Variants in RIN3 observed in about 807,000 individuals in gnomAD.
The protein encoded by RIN3 is RAB5 interacting protein 3.
In RIN3, 54 loss-of-function variants were observed where a neutral mutation model predicts 76.3. The ratio of observed to expected loss-of-function variants is 0.71; its 90% CI spans 0.57 to 0.89. RIN3 has a LOEUF of 0.89. Ranked by LOEUF, RIN3 falls within the 40% of genes least tolerant of loss-of-function variation. The pLI, the probability that RIN3 is intolerant of heterozygous loss-of-function variation, is 0.00. For missense variants in RIN3, 1,256 were observed against 1,322.1 expected (o/e 0.95, Z 0.78); for synonymous variants, 576 against 564.0 (o/e 1.02, Z -0.30).
intron 8 of RIN3, among the ~76,000 whole-genome samples, chr14:92,678,629 A>G (rs1267760351): frequency 2.0e-5 from 3 of 150,454 alleles, no homozygotes; most frequent in Non-Finnish European, 4.4e-5. Context: ...CCACCTACGC[A>G]ATCACACACC....
intron 7 of RIN3, among the ~76,000 whole-genome samples, chr14:92,667,512 G>A (rs557402135): frequency 2.7e-5 from 4 of 149,122 alleles, no homozygotes; most frequent in South Asian, 2.1e-4. Context: ...GCAAGACTCC[G>A]TCTCAAAAAA....
intron 3 of RIN3, among the ~76,000 whole-genome samples, chr14:92,593,903 A>G (rs1885069056): frequency 6.6e-6 from 1 of 152,218 alleles, no homozygotes; most frequent in East Asian, 1.9e-4. Flanking sequence ...TTAATCTACT[A>G]TCATAGTTGG....
At chr14:92,535,988 CTG>C (rs1221962980) in intron 1 of RIN3, among the ~76,000 whole-genome samples, 3 of 152,164 alleles carry the variant, frequency 2.0e-5, no homozygotes, top group Non-Finnish European at 4.4e-5. Flanking sequence ...ATTGACAAGA[CTG>C]TCCTTTCCTC....
intron 8 of RIN3, among the ~76,000 whole-genome samples, chr14:92,676,923 G>C (rs1475745093): frequency 6.6e-6 from 1 of 152,054 alleles, no homozygotes; most frequent in Non-Finnish European, 1.5e-5. Flanking sequence ...TGACATCTGA[G>C]CTGAGCAATG....
At chr14:92,560,848 G>A (rs556460552) in intron 2 of RIN3, among the ~76,000 whole-genome samples, 6 of 150,612 alleles carry the variant, frequency 4.0e-5, no homozygotes, top group Non-Finnish European at 5.9e-5. Context: ...ATGAAACCAC[G>A]TCTCTACTAA....
At chr14:92,559,118 C>T (rs1184355515) in intron 2 of RIN3, among the ~76,000 whole-genome samples, 1 of 152,142 alleles carries the variant, frequency 6.6e-6, no homozygotes, top group East Asian at 1.9e-4. Context: ...CCTCCCACCT[C>T]GGCCTTCCAA....
intron 2 of RIN3, among the ~76,000 whole-genome samples, chr14:92,575,651 G>A (rs1393401129): frequency 6.6e-6 from 1 of 152,052 alleles, no homozygotes; most frequent in Non-Finnish European, 1.5e-5. Context: ...TGGCGCTGGT[G>A]GGAGTGTCTT....
chr14:92,586,786 A>G (rs1884792321), intron 3 of RIN3, among the ~76,000 whole-genome samples: 1 of 152,218 alleles, frequency 6.6e-6, no homozygotes, highest in Admixed American at 6.5e-5. Flanking sequence ...AACCAGAAAT[A>G]CAAGTCGTTC....
At chr14:92,601,605 T>C (rs964434017) in intron 3 of RIN3, among the ~76,000 whole-genome samples, 1 of 152,006 alleles carries the variant, frequency 6.6e-6, no homozygotes, top group African/African-American at 2.4e-5. Context: ...TCCCCTCTGC[T>C]CCCAGAGAGA....
chr14:92,583,377 C>A (rs1884629576), intron 3 of RIN3, among the ~76,000 whole-genome samples: 1 of 152,218 alleles, frequency 6.6e-6, no homozygotes, highest in Non-Finnish European at 1.5e-5. Context: ...TAAGTGTTTC[C>A]TTGAAACTCT....
rs7158614 is a variant in RIN3 at position 92,681,798 on chromosome 14, G to A, written c.2468-3189G>A. Among the ~76,000 whole-genome samples, 43,206 of 152,116 alleles carry A rather than the reference G, an allele frequency of 0.28. 6,274 individuals are homozygous for A. Among genetic ancestry groups the A allele is most frequent in the East Asian group, 0.35 (1,834 of 5,178 alleles). On this transcript the variant is annotated intron_variant, in intron 8 of 9. Transcript: ENST00000216487. This position sits in a 1 kb window ranked among gnomAD's most constrained non-coding sequence, Gnocchi z 4.7. ...AACTTAAAATGGAGATACGTAAGTGGTTTAGTGGTTCTTCTCTTATTAGGG... is the reference window on the plus strand; with the variant it reads ...AACTTAAAATGGAGATACGTAAGTGATTTAGTGGTTCTTCTCTTATTAGGG...
At chr14:92,561,055 A>ATATATATATATC (rs71123360) in intron 2 of RIN3, among the ~76,000 whole-genome samples, 11,899 of 76,704 alleles carry the variant, frequency 0.16, 1,851 homozygotes, top group Middle Eastern at 0.23. Flanking sequence ...ATATATATAT[A>ATATATATATATC]TCTGCCATAT....
intron 2 of RIN3, among the ~76,000 whole-genome samples, chr14:92,566,013 C>G (rs1027217348): frequency 1.3e-5 from 2 of 152,200 alleles, no homozygotes; most frequent in African/African-American, 4.8e-5. Flanking sequence ...TGACTGCTTA[C>G]TATGTAGCAG....
intron 8 of RIN3, among the ~76,000 whole-genome samples, chr14:92,684,385 C>CAAAAAAA (rs35113092): frequency 8.6e-6 from 1 of 115,848 alleles, no homozygotes; most frequent in Admixed American, 9.8e-5. Context: ...CAGACTTAGA[C>CAAAAAAA]AAAAAAAAAA....
At chr14:92,631,741 C>G (rs1164010391) in intron 4 of RIN3, among the ~76,000 whole-genome samples, 1 of 152,152 alleles carries the variant, frequency 6.6e-6, no homozygotes, top group Non-Finnish European at 1.5e-5. Flanking sequence ...GCTGAGACTA[C>G]AGGCACACAC....
At chr14:92,672,659 C>CGTGT (rs1566898737) in intron 7 of RIN3, among the ~76,000 whole-genome samples, 3 of 105,002 alleles carry the variant, frequency 2.9e-5, no homozygotes, top group Non-Finnish European at 6.5e-5. Context: ...TATGTGTGTG[C>CGTGT]ATGTGTGTGT....
chr14:92,517,731 C>A (rs1025945487), intron 1 of RIN3, among the ~76,000 whole-genome samples: 5 of 152,122 alleles, frequency 3.3e-5, no homozygotes, highest in Admixed American at 1.3e-4. Context: ...GGATGTTTTC[C>A]CCCAAGATTG....
chr14:92,622,529 C>T (rs977555867), intron 4 of RIN3, among the ~76,000 whole-genome samples: 9 of 152,206 alleles, frequency 5.9e-5, no homozygotes, highest in Admixed American at 2.0e-4. Context: ...TGTAGAAGGG[C>T]GCTTCCTGCA....
At chr14:92,579,669 AT>A (rs769775692) in intron 3 of RIN3, among the ~76,000 whole-genome samples, 1 of 152,238 alleles carries the variant, frequency 6.6e-6, no homozygotes, top group Non-Finnish European at 1.5e-5. Context: ...GATTCATTAA[AT>A]ATTCTCAAGT....
Sources: allele counts gnomAD v4.1 joint callset (sites outside exome capture counted in the v4.1 genomes callset), GRCh38; gene constraint gnomAD v4.1.1; non-coding constraint Gnocchi (gnomAD v3.1); transcripts MANE v1.5; gene names NCBI Gene and HGNC (gene_info 2026-07-23, HGNC 2026-07-21).